Variants in FCHSD2 observed in about 807,000 individuals in gnomAD.
The protein encoded by FCHSD2 is FCH and double SH3 domains 2.
Under a neutral mutation model 108.1 loss-of-function variants are expected in FCHSD2, and 38 were observed. The observed-to-expected ratio is 0.35, with a 90% CI of 0.27 to 0.46. FCHSD2 has a LOEUF of 0.46. FCHSD2 is among the 20% of genes least tolerant of loss of function. FCHSD2 has a pLI of 1.00. For missense variants in FCHSD2, 751 were observed against 897.8 expected, an observed-to-expected ratio of 0.84 and a Z score of 2.09; for synonymous variants, 279 against 314.7, an observed-to-expected ratio of 0.89 and a Z score of 1.20.
intron 8 of FCHSD2, among the ~76,000 whole-genome samples, chr11:72,963,200 C>G (rs901602778): frequency 1.3e-5 from 2 of 152,092 alleles, no homozygotes; most frequent in Non-Finnish European, 2.9e-5. Context: ...CAGTGTTAGG[C>G]CCATAGTAGA....
At chr11:72,859,677 G>A (rs181976528) in intron 13 of FCHSD2, among the ~76,000 whole-genome samples, 4 of 152,082 alleles carry the variant, frequency 2.6e-5, no homozygotes, top group South Asian at 2.1e-4. Flanking sequence ...AGAGAGATGC[G>A]CAGAACTTAG....
chr11:73,100,264 TCTC>T (rs764315583), intron 2 of FCHSD2, among the ~76,000 whole-genome samples: 1 of 152,086 alleles, frequency 6.6e-6, no homozygotes, highest in Non-Finnish European at 1.5e-5. Flanking sequence ...AGAAAACCCT[TCTC>T]CTATTAACAA....
At chr11:73,104,849 T>A (rs1376146390) in intron 2 of FCHSD2, among the ~76,000 whole-genome samples, 1 of 152,186 alleles carries the variant, frequency 6.6e-6, no homozygotes, top group African/African-American at 2.4e-5. Flanking sequence ...TGAGTCACCG[T>A]GCCTGGCCAA....
chr11:72,913,827 A>ACC (rs1565320078), intron 9 of FCHSD2, among the ~76,000 whole-genome samples: 1 of 149,700 alleles, frequency 6.7e-6, no homozygotes, highest in African/African-American at 2.5e-5. Flanking sequence ...AAAAACCCAA[A>ACC]AAAAAAACAA....
intron 2 of FCHSD2, among the ~76,000 whole-genome samples, chr11:73,095,650 G>A (rs575709880): frequency 6.6e-6 from 1 of 152,254 alleles, no homozygotes; most frequent in East Asian, 1.9e-4. Flanking sequence ...CTCAAAGCGG[G>A]AGTACCTTTG....
chr11:72,846,119 G>C (rs1043557798), intron 14 of FCHSD2, among the ~76,000 whole-genome samples: 10 of 151,250 alleles, frequency 6.6e-5, no homozygotes, highest in African/African-American at 2.4e-4. Flanking sequence ...CTTTTGACTT[G>C]AGACTGAGCG....
At chr11:72,990,627 A>T (rs1269747679) in intron 5 of FCHSD2, among the ~76,000 whole-genome samples, 2 of 152,250 alleles carry the variant, frequency 1.3e-5, no homozygotes, top group Non-Finnish European at 2.9e-5. Context: ...AATGAAATGA[A>T]GGCAGAAATA....
intron 8 of FCHSD2, among the ~76,000 whole-genome samples, chr11:72,952,754 C>A (rs1004980378): frequency 2.6e-5 from 4 of 152,166 alleles, no homozygotes; most frequent in African/African-American, 9.7e-5. Context: ...TTACAGAACA[C>A]CTACTATGTG....
chr11:73,038,835 T>C (rs1268704990), intron 3 of FCHSD2, among the ~76,000 whole-genome samples: 1 of 152,102 alleles, frequency 6.6e-6, no homozygotes, highest in Admixed American at 6.6e-5. Context: ...ATTCCCCTGA[T>C]TCTAAAATAA....
chr11:72,964,680 A>G (rs1394196612), intron 8 of FCHSD2, among the ~76,000 whole-genome samples: 1 of 152,042 alleles, frequency 6.6e-6, no homozygotes, highest in Admixed American at 6.6e-5. Flanking sequence ...TACAACCCAC[A>G]GCCCCAGGTC....
At chr11:73,021,722 A>G (rs533448684) in intron 3 of FCHSD2, among the ~76,000 whole-genome samples, 47 of 152,310 alleles carry the variant, frequency 3.1e-4, no homozygotes, top group Non-Finnish European at 4.7e-4. Flanking sequence ...AACTTAAAAA[A>G]AAAGCTCATT....
chr11:72,993,395 C>A lies in FCHSD2; in HGVS notation c.388-4298G>T, dbSNP rs1857456968. 2.0e-5 allele frequency among the ~76,000 whole-genome samples: 3 copies of A among 152,230 alleles called. No homozygotes were observed. In the East Asian group the frequency reaches 5.8e-4, roughly 29 times the overall value. ...AACTAGAAATACCATTTGACCCAGC[C>A]ATCCCATTACTGGGTATATACCCAA... On this transcript the variant is annotated intron_variant, in intron 5 of 19. Transcript: ENST00000409418.
intron 5 of FCHSD2, among the ~76,000 whole-genome samples, chr11:72,993,334 T>C (rs942776723): frequency 2.0e-5 from 3 of 152,174 alleles, no homozygotes; most frequent in African/African-American, 7.2e-5. Context: ...GTTCAACCAT[T>C]GTGGAAGTCA....
intron 2 of FCHSD2, among the ~76,000 whole-genome samples, chr11:73,109,299 T>C (rs1049808659): frequency 1.3e-5 from 2 of 152,210 alleles, no homozygotes; most frequent in African/African-American, 2.4e-5. Flanking sequence ...ATTGAATCTG[T>C]AGATTGCTAT....
intron 8 of FCHSD2, among the ~76,000 whole-genome samples, chr11:72,956,162 A>C (rs984051005): frequency 6.6e-6 from 1 of 152,206 alleles, no homozygotes; most frequent in Non-Finnish European, 1.5e-5. Flanking sequence ...AGAGTAACAA[A>C]TTTCAATCCA....
At chr11:72,967,632 A>C (rs930966227) in intron 8 of FCHSD2, among the ~76,000 whole-genome samples, 1 of 152,188 alleles carries the variant, frequency 6.6e-6, no homozygotes, top group African/African-American at 2.4e-5. Flanking sequence ...ACAAAATGAC[A>C]GCCAATGGGG....
chr11:73,022,120 A>C (rs1164751027), intron 3 of FCHSD2, among the ~76,000 whole-genome samples: 2 of 152,100 alleles, frequency 1.3e-5, no homozygotes. Context: ...AAAAAATAAA[A>C]ACCAAAACTA....
At chr11:73,039,040 T>C (rs1205875080) in intron 3 of FCHSD2, among the ~76,000 whole-genome samples, 1 of 152,174 alleles carries the variant, frequency 6.6e-6, no homozygotes, top group African/African-American at 2.4e-5. Flanking sequence ...CCTTACTTCT[T>C]TCTAATATTA....
intron 8 of FCHSD2, among the ~76,000 whole-genome samples, chr11:72,971,245 A>G (rs1263145726): frequency 6.6e-5 from 10 of 152,344 alleles, no homozygotes; most frequent in Middle Eastern, 3.4e-3. Flanking sequence ...TAAAACCTAA[A>G]TGTTACAGTA....
Sources: gnomAD v4.1 joint callset for allele counts (sites outside exome capture counted in the v4.1 genomes callset) on GRCh38, gnomAD v4.1.1 for gene constraint, MANE v1.5 for transcripts, NCBI Gene and HGNC (gene_info 2026-07-23, HGNC 2026-07-21) for gene names.